The following TANGO6 variants were observed in gnomAD, a reference collection of about 807,000 sequenced individuals.
TANGO6 encodes transport and golgi organization 6 homolog.
Under a neutral mutation model 114.2 loss-of-function variants are expected in TANGO6, and 90 were observed. The ratio of observed to expected loss-of-function variants is 0.79; its 90% CI spans 0.66 to 0.94. The LOEUF (loss-of-function observed/expected upper bound fraction) is 0.94. Among genes scored for constraint, TANGO6 ranks in the 40% least tolerant of loss-of-function variants. The pLI, the probability that TANGO6 is intolerant of heterozygous loss-of-function variation, is 0.00. For missense variants in TANGO6, 1,274 were observed against 1,315.3 expected (o/e 0.97, Z 0.49); for synonymous variants, 477 against 509.8 (o/e 0.94, Z 0.87).
chr16:68,852,713 G>T (rs966223968), intron 1 of TANGO6, among the ~76,000 whole-genome samples: 1 of 151,990 alleles, frequency 6.6e-6, no homozygotes, highest in Non-Finnish European at 1.5e-5. Flanking sequence ...TGCAACTGTG[G>T]TCCCAGCTAC....
At chr16:68,891,856 G>GGGGA (rs1029658366) in intron 7 of TANGO6, among the ~76,000 whole-genome samples, 1 of 148,478 alleles carries the variant, frequency 6.7e-6, no homozygotes, top group Non-Finnish European at 1.5e-5. Context: ...AAAAGGAAAG[G>GGGGA]GGGAGGGAGG....
chr16:68,916,139 C>T, intron 11 of TANGO6, among the ~76,000 whole-genome samples: 1 of 152,104 alleles, frequency 6.6e-6, no homozygotes, highest in East Asian at 1.9e-4. Flanking sequence ...AGTCTTAATC[C>T]TTTCAAATAT....
intron 14 of TANGO6, among the ~76,000 whole-genome samples, chr16:68,958,490 A>C (rs1963557200): frequency 7.8e-6 from 1 of 127,392 alleles, no homozygotes; most frequent in Non-Finnish European, 1.8e-5. Context: ...ACTCTGTCTC[A>C]AAAAAAAAAA....
chr16:68,904,359 C>A (rs1962822426), intron 9 of TANGO6, among the ~76,000 whole-genome samples: 1 of 152,168 alleles, frequency 6.6e-6, no homozygotes, highest in South Asian at 2.1e-4. Context: ...GGACGTTTAT[C>A]CATTTTGGCT....
intron 1 of TANGO6, among the ~76,000 whole-genome samples, chr16:68,852,420 T>A (rs1454712000): frequency 6.6e-6 from 1 of 152,190 alleles, no homozygotes; most frequent in African/African-American, 2.4e-5. Context: ...TATATTAGCT[T>A]TAGTTTTGAG....
intron 14 of TANGO6, among the ~76,000 whole-genome samples, chr16:68,972,068 C>CT (rs1300451462): frequency 6.6e-6 from 1 of 151,982 alleles, no homozygotes; most frequent in African/African-American, 2.4e-5. Context: ...GTGCCACAGC[C>CT]TGAATCTCTC....
At chr16:68,941,429 T>G (rs554891069) in intron 14 of TANGO6, among the ~76,000 whole-genome samples, 2 of 152,228 alleles carry the variant, frequency 1.3e-5, no homozygotes, top group East Asian at 3.9e-4. Flanking sequence ...TCTTGGAAAT[T>G]TGTATTGAGT....
intron 15 of TANGO6, among the ~76,000 whole-genome samples, chr16:68,980,004 C>T (rs1358545048): frequency 5.9e-5 from 9 of 151,768 alleles, no homozygotes; most frequent in Admixed American, 2.0e-4. Flanking sequence ...CCACCATGCC[C>T]GGCTAATTTT....
intron 14 of TANGO6, among the ~76,000 whole-genome samples, chr16:68,947,311 A>G (rs117503268): frequency 0.033 from 5,019 of 152,068 alleles, 121 homozygotes; most frequent in Non-Finnish European, 0.048. Flanking sequence ...AAAATTGGCC[A>G]GGCATGGTGG....
At chr16:69,074,430 C>T (rs1450967636) in intron 17 of TANGO6, among the ~76,000 whole-genome samples, 1 of 151,948 alleles carries the variant, frequency 6.6e-6, no homozygotes, top group African/African-American at 2.4e-5. Context: ...AACAGCTGCT[C>T]CATAGACAGA....
rs141722220 is a variant in TANGO6 at position 68,845,002 on chromosome 16, C to G, written c.94+1291C>G. On this transcript the variant is annotated intron_variant, in intron 1 of 17. Coordinates refer to ENST00000261778, the MANE Select transcript of TANGO6 (RefSeq NM_024562.2). ...TTTTTTTTTGAGATGAGGTCTCACTCTGTTGCCCAGGCTGGAGTGCAGTGG... is the reference window on the plus strand; with the variant it reads ...TTTTTTTTTGAGATGAGGTCTCACTGTGTTGCCCAGGCTGGAGTGCAGTGG... 3.0e-3 allele frequency among the ~76,000 whole-genome samples: 427 copies of G among 142,930 alleles called. 5 individuals carry two copies. Among genetic ancestry groups the G allele is most frequent in the African/African-American group, 0.01 (393 of 37,976 alleles). 93.8% of individuals were successfully genotyped at this position (142,930 alleles called of 152,430 possible). A position where few individuals can be genotyped will look rare whatever the true frequency, so the allele number is the denominator to read the frequency against.
At chr16:69,016,120 T>G (rs1959293871) in intron 15 of TANGO6, among the ~76,000 whole-genome samples, 1 of 152,206 alleles carries the variant, frequency 6.6e-6, no homozygotes, top group Non-Finnish European at 1.5e-5. Context: ...ATTGTCTTTC[T>G]TCCCCGCTAG....
chr16:69,020,716 A>T (rs149556532), intron 15 of TANGO6, among the ~76,000 whole-genome samples: 1 of 152,152 alleles, frequency 6.6e-6, no homozygotes, highest in Non-Finnish European at 1.5e-5. Context: ...CCTGGGCAAC[A>T]TAGTGAGACC....
chr16:69,041,490 A>G (rs903396807), intron 17 of TANGO6, among the ~76,000 whole-genome samples: 2 of 151,884 alleles, frequency 1.3e-5, no homozygotes, highest in East Asian at 1.9e-4. Context: ...ACACACATAC[A>G]TGGGCTTTAT....
At chr16:69,034,691 TA>T (rs1959657897) in intron 16 of TANGO6, 1 of 152,184 alleles carries the variant, frequency 6.6e-6, no homozygotes, top group Admixed American at 6.6e-5. Context: ...TGAAGAAAGT[TA>T]TCCTAACTAT....
At position 68,909,341 on chromosome 16, in the gene TANGO6, T is replaced by C; in HGVS notation, c.1931T>C (p.Leu644Pro). ...GGCCAAGAGCGGAAGCTGCTTGTCC[T>C]GCAGCTGATGGCTGTTCTGTGCGAG... The part of the protein sequence containing the change: ...VEGQERKLLV[L>P]QLMAVLCERM... Residue 644 changes from leucine (L) to proline (P), a missense_variant, in exon 11 of 18, where the codon CTG becomes CCG. Coordinates refer to ENST00000261778, the MANE Select transcript of TANGO6 (RefSeq NM_024562.2). 1 of 1,608,370 alleles carries C rather than the reference T, an allele frequency of 6.2e-7. No individual in the cohort carries two copies. Among genetic ancestry groups the C allele is most frequent in the Non-Finnish European group, 8.5e-7 (1 of 1,176,948 alleles).
chr16:68,930,270 T>G lies in TANGO6; in HGVS notation c.2676T>G (p.Thr892=), dbSNP rs1468366243. ...IFLENLEHED[T]FVYLSAIQGV... is the part of the protein sequence containing the mutation. ...TGGAAAACTTGGAACATGAAGACAC[T>G]TTTGTATATCTATCTGCAATTCAGG... Residue 892 remains threonine, a synonymous_variant, in exon 14 of 18, where the codon ACT becomes ACG. Coordinates refer to ENST00000261778, the MANE Select transcript of TANGO6 (RefSeq NM_024562.2). The G allele has an allele frequency of 3.2e-6, 5 of 1,554,578 alleles. No individual in the cohort carries two copies. In the Admixed American group the frequency reaches 9.8e-5, roughly 30 times the overall value.
intron 17 of TANGO6, among the ~76,000 whole-genome samples, chr16:69,070,486 A>G (rs1356405730): frequency 6.6e-6 from 1 of 151,678 alleles, no homozygotes; most frequent in Non-Finnish European, 1.5e-5. Context: ...TACAAAAATT[A>G]GCCAGGCATG....
intron 9 of TANGO6, among the ~76,000 whole-genome samples, chr16:68,906,690 C>T (rs892088269): frequency 3.9e-5 from 6 of 152,058 alleles, no homozygotes; most frequent in African/African-American, 1.4e-4. Flanking sequence ...CTCAAGCAGT[C>T]TCCCTGCCTC....
Sources: gnomAD v4.1 joint callset for allele counts (sites outside exome capture counted in the v4.1 genomes callset) on GRCh38, gnomAD v4.1.1 for gene constraint, MANE v1.5 for transcripts, NCBI Gene and HGNC (gene_info 2026-07-23, HGNC 2026-07-21) for gene names.